PDS5B: variants seen among roughly 807,000 people sequenced by gnomAD.
PDS5B encodes the protein sister chromatid cohesion protein PDS5 homolog B.
Under a neutral mutation model 184.1 loss-of-function variants are expected in PDS5B, and 51 were observed. That is an observed-to-expected ratio of 0.28 (90% CI 0.22 to 0.35). The LOEUF is 0.35. Ranked by LOEUF, PDS5B falls within the 10% of genes least tolerant of loss-of-function variation. PDS5B has a pLI of 1.00. For synonymous variants in PDS5B, 566 were observed against 569.2 expected (o/e 0.99, Z 0.08); for missense variants, 1,180 against 1,723.3 (o/e 0.68, Z 5.58).
chr13:32,605,427 C>A (rs1270868001), intron 1 of PDS5B, among the ~76,000 whole-genome samples: 1 of 152,146 alleles, frequency 6.6e-6, no homozygotes, highest in South Asian at 2.1e-4. Context: ...TTGCACTGTG[C>A]TCTGAGAGAC....
At chr13:32,650,656 G>A (rs879754817) in intron 2 of PDS5B, 3 of 152,088 alleles carry the variant, frequency 2.0e-5, no homozygotes, top group Non-Finnish European at 4.4e-5. Flanking sequence ...AAAGCTAAAA[G>A]ACCCAGACAT....
At chr13:32,743,366 TTATGA>T (rs1953630195) in intron 23 of PDS5B, among the ~76,000 whole-genome samples, 1 of 152,116 alleles carries the variant, frequency 6.6e-6, no homozygotes, top group Non-Finnish European at 1.5e-5. Context: ...CATCTAGCTG[TTATGA>T]TATAACTAAA....
Position 32,667,815 on chromosome 13 carries a change from G to T in PDS5B, c.676G>T (p.Ala226Ser). 1 of 1,590,842 alleles carries T rather than the reference G, an allele frequency of 6.3e-7. No homozygotes were observed. The highest frequency in any genetic ancestry group is 8.5e-7 in the Non-Finnish European group (1 of 1,170,656). ...GGCAAAGGCTTTACTGAAGAGGACA[G>T]CTCAAGCTATTGAGCCATATATTAC... ...DLAKALLKRTAQAIEPYITNF... is the reference protein window; with the variant it reads ...DLAKALLKRTSQAIEPYITNF... Residue 226 changes from alanine to serine, a missense_variant, in exon 7 of 35, where the codon GCT becomes TCT. Physicochemically the swap from Ala to Ser is moderately conservative, Grantham distance 99. Transcript: ENST00000315596.
chr13:32,590,593 C>T (rs184090220), intron 1 of PDS5B, among the ~76,000 whole-genome samples: 9 of 152,232 alleles, frequency 5.9e-5, no homozygotes, highest in African/African-American at 1.9e-4. Flanking sequence ...TAACCAAGAC[C>T]ATTGTCTTTC....
intron 6 of PDS5B, among the ~76,000 whole-genome samples, 184 bp from the exon 7 acceptor site, chr13:32,667,580 T>C (rs115232666): frequency 2.0e-3 from 310 of 152,310 alleles, no homozygotes; most frequent in African/African-American, 7.3e-3. Flanking sequence ...CTTACGTGGA[T>C]GGAATCTTAG....
chr13:32,681,648 AT>A (rs56328259), intron 10 of PDS5B, among the ~76,000 whole-genome samples: 56,292 of 147,702 alleles, frequency 0.38, 11,118 homozygotes, highest in Non-Finnish European at 0.45. Context: ...TGAGGCTTTG[AT>A]TTTTTTTTTT....
chr13:32,712,763 G>C (rs1952248333), intron 19 of PDS5B, among the ~76,000 whole-genome samples: 2 of 152,192 alleles, frequency 1.3e-5, no homozygotes, highest in South Asian at 4.1e-4. Context: ...GCTGTACTAG[G>C]ACTAAAGGAG....
At chr13:32,587,184 TC>T (rs1369622550) in intron 1 of PDS5B, among the ~76,000 whole-genome samples, 1 of 145,508 alleles carries the variant, frequency 6.9e-6, no homozygotes, top group African/African-American at 2.5e-5. Context: ...CGCCGCCGGG[TC>T]CCCGCGCGCC....
chr13:32,745,523 C>T (rs562108451), intron 23 of PDS5B, among the ~76,000 whole-genome samples: 1 of 152,254 alleles, frequency 6.6e-6, no homozygotes, highest in East Asian at 1.9e-4. Flanking sequence ...TCTGTATTAG[C>T]CTGCTCAGAC....
At chr13:32,661,783 A>T (rs528624552) in intron 6 of PDS5B, among the ~76,000 whole-genome samples, 1 of 152,310 alleles carries the variant, frequency 6.6e-6, no homozygotes, top group African/African-American at 2.4e-5. Context: ...CAGAATGTAA[A>T]GGCATGGCCC....
chr13:32,728,986 TGTTAC>T (rs1953007376), intron 19 of PDS5B, among the ~76,000 whole-genome samples: 1 of 152,172 alleles, frequency 6.6e-6, no homozygotes, highest in Non-Finnish European at 1.5e-5. Flanking sequence ...CGTGGAGGTT[TGTTAC>T]ATAGGTATAC....
chr13:32,759,728 C>T, intron 29 of PDS5B, 38 bp downstream of exon 29: 2 of 1,109,882 alleles, frequency 1.8e-6, no homozygotes, highest in South Asian at 1.5e-5. Flanking sequence ...TATGTGGTAG[C>T]TTATTTTAGA....
At chr13:32,727,288 G>C (rs1952937059) in intron 19 of PDS5B, among the ~76,000 whole-genome samples, 1 of 151,908 alleles carries the variant, frequency 6.6e-6, no homozygotes, top group Non-Finnish European at 1.5e-5. Context: ...CTTATGTTTT[G>C]TTTTTATATG....
At chr13:32,759,536 TA>T (rs947898420) in intron 28 of PDS5B, 91 bp from the exon 29 acceptor site, 1 of 546,374 alleles carries the variant, frequency 1.8e-6, no homozygotes, top group African/African-American at 1.9e-5. Flanking sequence ...TTAGTTTAAA[TA>T]AAAAAACTGC....
intron 1 of PDS5B, among the ~76,000 whole-genome samples, chr13:32,609,800 A>G (rs1384786353): frequency 6.6e-6 from 1 of 152,116 alleles, no homozygotes; most frequent in Non-Finnish European, 1.5e-5. Flanking sequence ...CTCAGCTTAC[A>G]GTAATGGAAC....
chr13:32,604,972 T>A (rs1279572452), intron 1 of PDS5B, among the ~76,000 whole-genome samples: 1 of 152,190 alleles, frequency 6.6e-6, no homozygotes. Context: ...CTTTTCTTCT[T>A]TGTTAGTCTT....
At position 32,746,110 on chromosome 13, in the gene PDS5B, T is replaced by C; in HGVS notation, c.2736+10T>C. 6.2e-6 allele frequency: 10 copies of C among 1,610,222 alleles called. No homozygotes were observed. Among genetic ancestry groups the C allele is most frequent in the Non-Finnish European group, 8.5e-6 (10 of 1,177,560 alleles). On this transcript the variant is annotated intron_variant, in intron 24 of 34. Transcript: ENST00000315596. ...TGCATTAGCTATCAACGTAAGGAAA[T>C]GGCTGTGTACAACTACTTTTTGAAG...
chr13:32,608,474 A>G (rs2058095000), intron 1 of PDS5B, among the ~76,000 whole-genome samples: 1 of 152,168 alleles, frequency 6.6e-6, no homozygotes, highest in Non-Finnish European at 1.5e-5. Context: ...AGTGATTGAT[A>G]TATATATTTT....
At chr13:32,740,988 A>G (rs951044480) in intron 21 of PDS5B, 92 bp from the exon 22 acceptor site, 2 of 746,268 alleles carry the variant, frequency 2.7e-6, no homozygotes, top group Non-Finnish European at 4.6e-6. Context: ...CAGAAGGTAC[A>G]GATTTCATTC....
Sources: allele counts gnomAD v4.1 joint callset (sites outside exome capture counted in the v4.1 genomes callset), GRCh38; gene constraint gnomAD v4.1.1; transcripts MANE v1.5; gene names NCBI Gene and HGNC (gene_info 2026-07-23, HGNC 2026-07-21).